Variants in CHD6 observed in about 807,000 individuals in gnomAD.
The protein encoded by CHD6 is ATP-dependent chromatin remodeler CHD6.
CHD6 carries 50 observed loss-of-function variants against 276.9 expected under a neutral mutation model. The ratio of observed to expected loss-of-function variants is 0.18; its 90% CI spans 0.14 to 0.23. CHD6 has a LOEUF of 0.23. Among genes scored for constraint, CHD6 ranks in the 10% least tolerant of loss-of-function variants. The pLI is 1.00. For synonymous variants in CHD6, 1,173 were observed against 1,229.3 expected (o/e 0.95, Z 0.96); for missense variants, 2,564 against 3,365.8 (o/e 0.76, Z 5.89).
chr20:41,610,571 C>T (rs1377086143), intron 1 of CHD6, among the ~76,000 whole-genome samples: 1 of 152,030 alleles, frequency 6.6e-6, no homozygotes, highest in Non-Finnish European at 1.5e-5. Flanking sequence ...ACCATCCTGG[C>T]TAACATGGTG....
intron 1 of CHD6, among the ~76,000 whole-genome samples, chr20:41,591,792 C>T (rs1299118031): frequency 1.3e-5 from 2 of 152,160 alleles, no homozygotes; most frequent in Non-Finnish European, 2.9e-5. Context: ...ATACAGACCA[C>T]TCCACTAAGG....
chr20:41,404,028 G>T lies in CHD6; in HGVS notation c.*565C>A. On this transcript the variant is annotated 3_prime_UTR_variant, in exon 37 of 37. Transcript: ENST00000373233. ...AGGTTTTTGTTTTTTATAAAGAAAT[G>T]AATATATGTATTTTCAACCATTAGT... is the stretch of plus-strand genomic sequence containing the variant. 8 of 1,048,836 alleles carry T rather than the reference G, an allele frequency of 7.6e-6. No homozygotes were observed. The highest frequency in any genetic ancestry group is 9.2e-6 in the Non-Finnish European group (8 of 868,254). 65.0% of individuals were successfully genotyped at this position (1,048,836 alleles called of 1,614,324 possible). A position where few individuals can be genotyped will look rare whatever the true frequency, so the allele number is the denominator to read the frequency against.
At chr20:41,613,651 C>G (rs1376053251) in intron 1 of CHD6, among the ~76,000 whole-genome samples, 2 of 152,210 alleles carry the variant, frequency 1.3e-5, no homozygotes, top group Admixed American at 6.5e-5. Context: ...AAGAAGTCAG[C>G]ATCCAGGCAG....
chr20:41,500,975 A>C (rs2043816879), intron 5 of CHD6, among the ~76,000 whole-genome samples: 1 of 152,184 alleles, frequency 6.6e-6, no homozygotes, highest in East Asian at 1.9e-4. Flanking sequence ...TCAGGACGGT[A>C]ACAGCAAAGG....
At position 41,420,658 on chromosome 20, in the gene CHD6, G is replaced by A. The variant is rs1391458245; in HGVS notation, c.5977C>T (p.His1993Tyr). The stretch of plus-strand genomic sequence containing the variant: ...TTCCAAGGTTCTTTTAAAAGCTCAT[G>A]CTTCACTTTAAACGGCTGTGATGGA... ...AIPSQPFKVKHELLKEPWKES... is the reference protein window; with the variant it reads ...AIPSQPFKVKYELLKEPWKES... The change falls in exon 31 of 37, where the codon CAT becomes TAT. Residue 1993 changes from histidine (H) to tyrosine (Y), a missense_variant. By Grantham distance (83) the His-to-Tyr change is moderately conservative. Coordinates refer to ENST00000373233, the MANE Select transcript of CHD6 (RefSeq NM_032221.5). 1 of 1,614,212 alleles carries A rather than the reference G, an allele frequency of 6.2e-7. No individual in the cohort carries two copies. The highest frequency in any genetic ancestry group is 8.5e-7 in the Non-Finnish European group (1 of 1,180,042).
rs541970323 is a variant in CHD6 at position 41,552,244 on chromosome 20, T to C, written c.-23-884A>G. The stretch of plus-strand genomic sequence containing the variant: ...GTTCTAGCCGGAATATAAACACTGC[T>C]TCCTATTTTTTGTTGACTTTGATTT... On this transcript the variant is annotated intron_variant, in intron 1 of 36. Transcript: ENST00000373233. Among the ~76,000 whole-genome samples the C allele has an allele frequency of 3.3e-5, 5 of 152,350 alleles. No individual in the cohort carries two copies. In the South Asian group the frequency reaches 1.0e-3, roughly 32 times the overall value.
chr20:41,540,556 G>A (rs1045224676), intron 2 of CHD6, among the ~76,000 whole-genome samples: 1 of 152,192 alleles, frequency 6.6e-6, no homozygotes, highest in Non-Finnish European at 1.5e-5. Flanking sequence ...CAGAATGAGA[G>A]GTGTCAGCAC....
At chr20:41,590,469 C>T (rs2045645039) in intron 1 of CHD6, among the ~76,000 whole-genome samples, 1 of 152,158 alleles carries the variant, frequency 6.6e-6, no homozygotes. Context: ...ACTCATCTGA[C>T]AAAGGGCTAA....
At chr20:41,578,024 C>T (rs910190933) in intron 1 of CHD6, among the ~76,000 whole-genome samples, 1 of 152,142 alleles carries the variant, frequency 6.6e-6, no homozygotes, top group Non-Finnish European at 1.5e-5. Flanking sequence ...CAACAGCCAT[C>T]CTAGGTTATA....
intron 3 of CHD6, among the ~76,000 whole-genome samples, chr20:41,526,869 T>C (rs2044551546): frequency 6.6e-6 from 1 of 152,188 alleles, no homozygotes. Context: ...CTGGGAGAAT[T>C]TTGAACTGCA....
intron 27 of CHD6, among the ~76,000 whole-genome samples, chr20:41,431,898 C>T (rs973359023): frequency 8.8e-4 from 134 of 151,612 alleles, no homozygotes; most frequent in African/African-American, 3.1e-3. Flanking sequence ...GTGGCTCACG[C>T]CTGTAATCCC....
intron 1 of CHD6, among the ~76,000 whole-genome samples, chr20:41,559,802 G>A (rs1386390949): frequency 4.6e-5 from 7 of 151,754 alleles, no homozygotes; most frequent in Non-Finnish European, 1.0e-4. Context: ...CAGTTCCTGA[G>A]ACATTCCACA....
intron 29 of CHD6, among the ~76,000 whole-genome samples, chr20:41,423,967 T>C (rs947479413): frequency 2.0e-5 from 3 of 152,250 alleles, no homozygotes; most frequent in Admixed American, 2.0e-4. Context: ...AAACCAGGTA[T>C]ACACTTGCTA....
At chr20:41,425,727 C>T (rs1164124532) in intron 28 of CHD6, among the ~76,000 whole-genome samples, 3 of 151,790 alleles carry the variant, frequency 2.0e-5, no homozygotes, top group Non-Finnish European at 2.9e-5. Context: ...GCTCCTCTCA[C>T]GTCTGAATTC....
At chr20:41,505,050 A>G (rs758646565) in intron 5 of CHD6, among the ~76,000 whole-genome samples, 5 of 152,022 alleles carry the variant, frequency 3.3e-5, no homozygotes, top group Admixed American at 2.0e-4. Flanking sequence ...CTCTTATTTT[A>G]CTGTTTTTGG....
chr20:41,507,256 C>T (rs1166234439), intron 5 of CHD6, among the ~76,000 whole-genome samples: 2 of 152,054 alleles, frequency 1.3e-5, no homozygotes, highest in African/African-American at 4.8e-5. Context: ...TAACTAGGAC[C>T]AAATCTAAAG....
chr20:41,608,389 A>G (rs2045851887), intron 1 of CHD6, among the ~76,000 whole-genome samples: 1 of 152,226 alleles, frequency 6.6e-6, no homozygotes, highest in Admixed American at 6.5e-5. Context: ...AATTTAAGAC[A>G]TGTAATATTT....
chr20:41,458,620 G>A, intron 17 of CHD6, among the ~76,000 whole-genome samples: 1 of 152,278 alleles, frequency 6.6e-6, no homozygotes, highest in Middle Eastern at 3.4e-3. Context: ...ATAGAAATAG[G>A]TATGGATATG....
At chr20:41,580,021 G>C (rs1455938317) in intron 1 of CHD6, among the ~76,000 whole-genome samples, 1 of 152,000 alleles carries the variant, frequency 6.6e-6, no homozygotes, top group East Asian at 1.9e-4. Context: ...CTCATACTTG[G>C]TATCAGTGTA....
Sources: gnomAD v4.1 joint callset for allele counts (sites outside exome capture counted in the v4.1 genomes callset) on GRCh38, gnomAD v4.1.1 for gene constraint, MANE v1.5 for transcripts, NCBI Gene and HGNC (gene_info 2026-07-23, HGNC 2026-07-21) for gene names.